The following XKR4 variants were observed in gnomAD, a reference collection of about 807,000 sequenced individuals.
XKR4 encodes XK-related protein 4.
XKR4 carries 12 observed loss-of-function variants against 53.9 expected under a neutral mutation model. The ratio of observed to expected loss-of-function variants is 0.22; its 90% confidence interval spans 0.14 to 0.36. The LOEUF (loss-of-function observed/expected upper bound fraction) is 0.36. XKR4 is among the 10% of genes least tolerant of loss of function. The pLI is 1.00. For missense variants in XKR4, 799 were observed against 859.5 expected (o/e 0.93, Z 0.88); for synonymous variants, 354 against 362.4 (o/e 0.98, Z 0.26).
At chr8:55,365,534 G>A (rs116012394) in intron 2 of XKR4, among the ~76,000 whole-genome samples, 4,179 of 152,040 alleles carry the variant, frequency 0.027, 181 homozygotes, top group African/African-American at 0.091. Flanking sequence ...GAGAAACCCC[G>A]GCTCTACTAA....
chr8:55,315,340 T>TC (rs2129378742), intron 1 of XKR4, among the ~76,000 whole-genome samples: 1 of 152,296 alleles, frequency 6.6e-6, no homozygotes, highest in Admixed American at 6.5e-5. Flanking sequence ...GGTTGGGTTT[T>TC]CCGCCCAGCC....
chr8:55,297,794 G>A (rs181569934), intron 1 of XKR4, among the ~76,000 whole-genome samples: 41 of 152,292 alleles, frequency 2.7e-4, no homozygotes, highest in Non-Finnish European at 3.7e-4. Flanking sequence ...GAAGCTTTGG[G>A]GAAGATGGAC....
intron 2 of XKR4, among the ~76,000 whole-genome samples, chr8:55,512,376 G>A (rs1585613632): frequency 6.6e-6 from 1 of 152,254 alleles, no homozygotes; most frequent in Middle Eastern, 3.4e-3. Flanking sequence ...CATGACCACA[G>A]CCTCCTGCCT....
At chr8:55,287,992 A>G (rs1188854156) in intron 1 of XKR4, among the ~76,000 whole-genome samples, 3 of 152,110 alleles carry the variant, frequency 2.0e-5, no homozygotes, top group African/African-American at 4.8e-5. Flanking sequence ...TGTCCAACCC[A>G]TGGCCTGACA....
chr8:55,280,226 A>C (rs555134521), intron 1 of XKR4, among the ~76,000 whole-genome samples: 3 of 152,140 alleles, frequency 2.0e-5, no homozygotes, highest in Admixed American at 2.0e-4. Flanking sequence ...AATTGTTTTT[A>C]TGTTTGTCAG....
At chr8:55,301,207 C>T (rs1170431286) in intron 1 of XKR4, among the ~76,000 whole-genome samples, 2 of 136,414 alleles carry the variant, frequency 1.5e-5, no homozygotes, top group African/African-American at 2.8e-5. Flanking sequence ...CATGTGTTCT[C>T]ATTGTTCAAT....
intron 1 of XKR4, among the ~76,000 whole-genome samples, chr8:55,109,075 A>G (rs2129350732): frequency 6.6e-6 from 1 of 152,298 alleles, no homozygotes; most frequent in South Asian, 2.1e-4. Context: ...CTGGGACAAA[A>G]TGGGTGGGAC....
chr8:55,339,293 A>G (rs1803508193), intron 1 of XKR4, among the ~76,000 whole-genome samples: 1 of 152,196 alleles, frequency 6.6e-6, no homozygotes, highest in Non-Finnish European at 1.5e-5. Flanking sequence ...CACGTGATCT[A>G]ACCCCCCTAC....
intron 1 of XKR4, among the ~76,000 whole-genome samples, chr8:55,126,023 TA>T (rs1816463438): frequency 6.6e-6 from 1 of 152,132 alleles, no homozygotes; most frequent in Non-Finnish European, 1.5e-5. Context: ...GAGCAGTTAT[TA>T]TAGATTGGCT....
intron 1 of XKR4, among the ~76,000 whole-genome samples, chr8:55,197,183 A>G (rs1302493097): frequency 3.3e-5 from 5 of 152,026 alleles, no homozygotes; most frequent in Admixed American, 2.0e-4. Flanking sequence ...AGCTGTAACA[A>G]CTCTTGATGA....
intron 2 of XKR4, among the ~76,000 whole-genome samples, chr8:55,503,323 A>T (rs1407561108): frequency 1.3e-5 from 2 of 152,082 alleles, no homozygotes; most frequent in Non-Finnish European, 2.9e-5. Flanking sequence ...TGAAAACAGG[A>T]TATCTTTCCA....
chr8:55,414,244 G>A (rs1468506985), intron 2 of XKR4, among the ~76,000 whole-genome samples: 1 of 152,134 alleles, frequency 6.6e-6, no homozygotes. Flanking sequence ...TTGCCTAACT[G>A]TTCCTTGGTC....
intron 1 of XKR4, among the ~76,000 whole-genome samples, chr8:55,308,375 C>A (rs1350475157): frequency 2.0e-5 from 3 of 152,168 alleles, no homozygotes; most frequent in African/African-American, 7.2e-5. Context: ...AACTTACAAT[C>A]ATGGTGGAAG....
At chr8:55,456,412 C>T (rs1314385389) in intron 2 of XKR4, among the ~76,000 whole-genome samples, 1 of 150,920 alleles carries the variant, frequency 6.6e-6, no homozygotes, top group Non-Finnish European at 1.5e-5. Flanking sequence ...GCCTGGGCAA[C>T]AAGAGCGAAA....
intron 1 of XKR4, among the ~76,000 whole-genome samples, chr8:55,147,399 G>A (rs925403311): frequency 6.6e-6 from 1 of 152,232 alleles, no homozygotes; most frequent in African/African-American, 2.4e-5. Flanking sequence ...ACATTAAAGA[G>A]AGGAAAGTCT....
At chr8:55,245,155 C>T (rs1165412850) in intron 1 of XKR4, among the ~76,000 whole-genome samples, 1 of 152,088 alleles carries the variant, frequency 6.6e-6, no homozygotes, top group Non-Finnish European at 1.5e-5. Context: ...GATCCACCCA[C>T]CTCAGCCTCC....
intron 2 of XKR4, among the ~76,000 whole-genome samples, chr8:55,429,853 T>C (rs977813230): frequency 1.3e-5 from 2 of 152,156 alleles, no homozygotes; most frequent in African/African-American, 2.4e-5. Context: ...CAAGCTATAC[T>C]ACAGACTGGG....
intron 1 of XKR4, among the ~76,000 whole-genome samples, chr8:55,250,248 A>G (rs1295355723): frequency 6.6e-6 from 1 of 152,198 alleles, no homozygotes; most frequent in Non-Finnish European, 1.5e-5. Flanking sequence ...TTTCTTTTCA[A>G]AAGGGCTGCA....
At chr8:55,118,012 T>G (rs1223232491) in intron 1 of XKR4, among the ~76,000 whole-genome samples, 1 of 152,196 alleles carries the variant, frequency 6.6e-6, no homozygotes, top group East Asian at 1.9e-4. Flanking sequence ...GTTCTGCAGT[T>G]CTATGAAAAC....
Sources: gnomAD v4.1 joint callset for allele counts (sites outside exome capture counted in the v4.1 genomes callset) on GRCh38, gnomAD v4.1.1 for gene constraint, MANE v1.5 for transcripts, NCBI Gene and HGNC (gene_info 2026-07-23, HGNC 2026-07-21) for gene names.